Variants in ANKS1B observed in about 807,000 individuals in gnomAD.
ANKS1B encodes ankyrin repeat and sterile alpha motif domain containing 1B.
A neutral mutation model predicts 148.3 loss-of-function variants in ANKS1B; 36 were observed. That is an observed-to-expected ratio of 0.24 (90% CI 0.19 to 0.32). The LOEUF is 0.32. Ranked by LOEUF, ANKS1B falls within the 10% of genes least tolerant of loss-of-function variation. The probability of loss-of-function intolerance (pLI) is 1.00; values close to 1 mark genes in which losing one functional copy is unlikely to be tolerated. For missense variants in ANKS1B, 1,157 were observed against 1,542.6 expected (o/e 0.75, Z 4.19); for synonymous variants, 542 against 560.8 (o/e 0.97, Z 0.47).
chr12:99,670,575 A>AT (rs1463277792), intron 8 of ANKS1B, among the ~76,000 whole-genome samples: 1 of 152,190 alleles, frequency 6.6e-6, no homozygotes, highest in African/African-American at 2.4e-5. Flanking sequence ...GAAGAAAAAT[A>AT]TAAGTATGTC....
intron 12 of ANKS1B, among the ~76,000 whole-genome samples, chr12:99,349,176 A>G (rs553698043): frequency 5.3e-4 from 81 of 152,096 alleles, no homozygotes; most frequent in African/African-American, 1.9e-3. Flanking sequence ...ACAAGTGAGA[A>G]ATGTTCAGAA....
At chr12:99,770,427 T>G (rs891346386) in intron 8 of ANKS1B, among the ~76,000 whole-genome samples, 2 of 152,146 alleles carry the variant, frequency 1.3e-5, no homozygotes, top group Non-Finnish European at 1.5e-5. Flanking sequence ...TGTACTTGAC[T>G]AAACTTTTTG....
At chr12:98,944,191 T>C (rs1447716085) in intron 17 of ANKS1B, among the ~76,000 whole-genome samples, 3 of 148,026 alleles carry the variant, frequency 2.0e-5, no homozygotes, top group Admixed American at 7.0e-5. Flanking sequence ...TCCCAGCTAC[T>C]GGGGAGGCTG....
At chr12:99,312,120 A>C (rs2083263919) in intron 12 of ANKS1B, among the ~76,000 whole-genome samples, 1 of 152,152 alleles carries the variant, frequency 6.6e-6, no homozygotes, top group Non-Finnish European at 1.5e-5. Context: ...ATCTAGGTTA[A>C]ACGAGTCATT....
At chr12:99,195,560 A>C (rs2081289046) in intron 14 of ANKS1B, among the ~76,000 whole-genome samples, 1 of 152,220 alleles carries the variant, frequency 6.6e-6, no homozygotes, top group Non-Finnish European at 1.5e-5. Flanking sequence ...GAAATGCCTC[A>C]GAAAGTAGAA....
At chr12:98,813,683 T>C (rs1480964816) in intron 19 of ANKS1B, among the ~76,000 whole-genome samples, 1 of 149,986 alleles carries the variant, frequency 6.7e-6, no homozygotes, top group Non-Finnish European at 1.5e-5. Context: ...ACCTCCTGTG[T>C]AGCTGGGATC....
chr12:99,384,964 C>T (rs118025794), intron 12 of ANKS1B, among the ~76,000 whole-genome samples: 1,623 of 152,202 alleles, frequency 0.011, 13 homozygotes, highest in Non-Finnish European at 0.017. Flanking sequence ...CTTACTTTCT[C>T]TGGCTTTTTT....
intron 17 of ANKS1B, among the ~76,000 whole-genome samples, chr12:98,878,983 A>G (rs964714558): frequency 1.3e-5 from 2 of 152,248 alleles, no homozygotes; most frequent in Non-Finnish European, 2.9e-5. Context: ...ACAGGGCATC[A>G]TATTGCATAC....
chr12:99,637,757 T>C (rs906847127), intron 9 of ANKS1B, among the ~76,000 whole-genome samples: 1 of 150,666 alleles, frequency 6.6e-6, no homozygotes, highest in African/African-American at 2.4e-5. Flanking sequence ...CTTGTGATCA[T>C]GTGAGTTTAA....
chr12:99,655,434 T>C (rs1289389650), intron 8 of ANKS1B, among the ~76,000 whole-genome samples: 4 of 152,212 alleles, frequency 2.6e-5, no homozygotes, highest in East Asian at 1.9e-4. Context: ...TAAAATAATA[T>C]ATGAAGTTCA....
At chr12:99,133,215 C>T (rs1327336903) in intron 15 of ANKS1B, among the ~76,000 whole-genome samples, 3 of 151,916 alleles carry the variant, frequency 2.0e-5, no homozygotes, top group African/African-American at 4.8e-5. Flanking sequence ...CCACGCCCAG[C>T]TATTTTTTTG....
chr12:98,849,743 C>T (rs1234659071), intron 17 of ANKS1B, among the ~76,000 whole-genome samples: 1 of 151,992 alleles, frequency 6.6e-6, no homozygotes, highest in Non-Finnish European at 1.5e-5. Flanking sequence ...AGAAAAAGAC[C>T]GTCTTAATTT....
chr12:99,201,997 C>A (rs148214171), intron 14 of ANKS1B, among the ~76,000 whole-genome samples: 1 of 151,984 alleles, frequency 6.6e-6, no homozygotes, highest in African/African-American at 2.4e-5. Context: ...GGGCACTATG[C>A]TAGGAGCCAA....
intron 17 of ANKS1B, among the ~76,000 whole-genome samples, chr12:98,834,399 C>A (rs554284667): frequency 6.6e-5 from 10 of 152,184 alleles, no homozygotes; most frequent in African/African-American, 2.4e-4. Flanking sequence ...CCTAAGCACA[C>A]GTGATTTCTA....
intron 14 of ANKS1B, among the ~76,000 whole-genome samples, chr12:99,191,774 G>A (rs373332998): frequency 2.0e-5 from 3 of 152,044 alleles, no homozygotes; most frequent in Non-Finnish European, 2.9e-5. Context: ...GCAAACCACC[G>A]TGGCACGTGT....
At chr12:99,270,707 T>C (rs916750131) in intron 12 of ANKS1B, among the ~76,000 whole-genome samples, 1 of 152,342 alleles carries the variant, frequency 6.6e-6, no homozygotes, top group South Asian at 2.1e-4. Flanking sequence ...TAGAGCTGGA[T>C]TGTTCTCTGT....
At chr12:98,768,544 C>T (rs1442561256) in intron 25 of ANKS1B, among the ~76,000 whole-genome samples, 2 of 150,052 alleles carry the variant, frequency 1.3e-5, no homozygotes, top group Admixed American at 6.7e-5. Context: ...ACCATCTTGG[C>T]TAACATGGTG....
intron 9 of ANKS1B, among the ~76,000 whole-genome samples, chr12:99,525,108 GT>G (rs11408514): frequency 2.0e-5 from 3 of 151,936 alleles, no homozygotes; most frequent in Non-Finnish European, 4.4e-5. Flanking sequence ...CATTTGTGTT[GT>G]TTTTTTATGC....
intron 9 of ANKS1B, among the ~76,000 whole-genome samples, chr12:99,646,899 C>T (rs756180701): frequency 6.7e-6 from 1 of 149,814 alleles, no homozygotes. Context: ...ATTCCATAGC[C>T]AGGGTATGAA....
Sources: gnomAD v4.1 joint callset for allele counts (sites outside exome capture counted in the v4.1 genomes callset) on GRCh38, gnomAD v4.1.1 for gene constraint, MANE v1.5 for transcripts, NCBI Gene and HGNC (gene_info 2026-07-23, HGNC 2026-07-21) for gene names.